The following SLC67A1 variants were observed in gnomAD, a reference collection of about 807,000 sequenced individuals.
The protein encoded by SLC67A1 is solute carrier family 67 member A1.
chr11:2,907,781 G>A, the SLC67A1 span, among the ~76,000 whole-genome samples: 9 of 152,204 alleles, frequency 5.9e-5, no homozygotes, highest in Admixed American at 1.3e-4. The surrounding 1 kb of genome is among the most constrained non-coding windows in gnomAD (Gnocchi z 6.7). Flanking sequence ...CTACTCCTCC[G>A]GAGGGGCTGA....
At chr11:2,923,356 GA>G in the SLC67A1 span, among the ~76,000 whole-genome samples, 8,808 of 129,176 alleles carry the variant, frequency 0.068, 938 homozygotes, top group Non-Finnish European at 0.086. The surrounding 1 kb of genome is among the most constrained non-coding windows in gnomAD (Gnocchi z 6.5). Context: ...GCACACATCT[GA>G]CACTCCATCC....
chr11:2,919,120 ACCAGGGATACGGCAGAATC>A, the SLC67A1 span: 180 of 356,744 alleles, frequency 5.0e-4, no homozygotes, highest in Admixed American at 9.0e-3. Context: ...CACTTTCCAC[ACCAGGGATACGGCAGAATC>A]CCAGGGAAGG....
chr11:2,916,604 C>T, the SLC67A1 span: 65 of 1,599,550 alleles, frequency 4.1e-5, no homozygotes, highest in East Asian at 4.9e-4. Flanking sequence ...CCTGTGCAGC[C>T]GAGGCTGTTG....
At chr11:2,901,047 T>C in the SLC67A1 span, among the ~76,000 whole-genome samples, 1 of 152,144 alleles carries the variant, frequency 6.6e-6, no homozygotes, top group Non-Finnish European at 1.5e-5. Flanking sequence ...AAAGGCGGGG[T>C]TCTGATTTCT....
the SLC67A1 span, chr11:2,909,611 C>T: frequency 2.0e-6 from 3 of 1,531,908 alleles, no homozygotes; most frequent in Non-Finnish European, 2.6e-6. Flanking sequence ...CTGTCGGCAC[C>T]CGAGGAGCGG....
At chr11:2,903,119 T>C in the SLC67A1 span, 2 of 1,044,226 alleles carry the variant, frequency 1.9e-6, no homozygotes, top group Middle Eastern at 3.3e-4. Flanking sequence ...CTGTCAAAAG[T>C]GGAGGAGGGG....
chr11:2,903,199 T>C, the SLC67A1 span: 1 of 1,498,130 alleles, frequency 6.7e-7, no homozygotes, highest in Non-Finnish European at 8.9e-7. Context: ...CCTGCAGTGC[T>C]GTCCTCTCTT....
At chr11:2,908,302 C>A in the SLC67A1 span, 1 of 1,613,692 alleles carries the variant, frequency 6.2e-7, no homozygotes, top group South Asian at 1.1e-5. Flanking sequence ...CGGGGTGCTG[C>A]AGCTGCTGGG....
the SLC67A1 span, chr11:2,916,572 G>A: frequency 3.3e-5 from 47 of 1,410,940 alleles, no homozygotes; most frequent in African/African-American, 1.4e-4. Flanking sequence ...TGGCTGGGGC[G>A]CCTGGGCCCT....
chr11:2,907,759 G>GCTGT, the SLC67A1 span, among the ~76,000 whole-genome samples: 164 of 152,276 alleles, frequency 1.1e-3, 2 homozygotes, highest in African/African-American at 3.8e-3. This position sits in a 1 kb window ranked among gnomAD's most constrained non-coding sequence, Gnocchi z 6.7. Context: ...TGGGAGGGAT[G>GCTGT]CTGTCATGGA....
chr11:2,904,767 G>A, the SLC67A1 span, among the ~76,000 whole-genome samples: 2 of 152,312 alleles, frequency 1.3e-5, no homozygotes, highest in South Asian at 4.1e-4. Flanking sequence ...GGAAGGGGGC[G>A]AGGTCTTCCT....
chr11:2,916,980 C>T, the SLC67A1 span: 2 of 565,566 alleles, frequency 3.5e-6, no homozygotes, highest in South Asian at 2.4e-5. Flanking sequence ...GGCAGGAAGG[C>T]CCAGACAGGG....
chr11:2,916,027 C>T, the SLC67A1 span: 1 of 152,274 alleles, frequency 6.6e-6, no homozygotes, highest in Non-Finnish European at 1.5e-5. Flanking sequence ...CTGAGGGGCA[C>T]CTCCGGGGCT....
chr11:2,923,885 C>A, the SLC67A1 span, among the ~76,000 whole-genome samples: 1 of 152,214 alleles, frequency 6.6e-6, no homozygotes, highest in Non-Finnish European at 1.5e-5. This position sits in a 1 kb window ranked among gnomAD's most constrained non-coding sequence, Gnocchi z 6.5. Context: ...AGGAACTGCA[C>A]CCTGAGTCTG....
At chr11:2,913,935 G>T in the SLC67A1 span, among the ~76,000 whole-genome samples, 1 of 152,256 alleles carries the variant, frequency 6.6e-6, no homozygotes, top group Non-Finnish European at 1.5e-5. Flanking sequence ...TATCTGGGCA[G>T]CCTCAGGTGT....
chr11:2,900,506 A>G, the SLC67A1 span, among the ~76,000 whole-genome samples: 3 of 152,000 alleles, frequency 2.0e-5, no homozygotes, highest in African/African-American at 4.8e-5. Context: ...ATCCTGGCTA[A>G]CACGGTGAAA....
At chr11:2,900,625 G>A in the SLC67A1 span, among the ~76,000 whole-genome samples, 73 of 148,644 alleles carry the variant, frequency 4.9e-4, no homozygotes, top group South Asian at 0.015. Context: ...CCCGGGAGGC[G>A]GAGCTTGCAG....
the SLC67A1 span, chr11:2,903,384 C>G: frequency 6.2e-7 from 1 of 1,613,068 alleles, no homozygotes; most frequent in Non-Finnish European, 8.5e-7. Context: ...AGGGCCGGTC[C>G]CCCGGCAGGA....
At chr11:2,908,039 G>C in the SLC67A1 span, among the ~76,000 whole-genome samples, 1 of 152,152 alleles carries the variant, frequency 6.6e-6, no homozygotes, top group Non-Finnish European at 1.5e-5. Context: ...AAGGACCTTA[G>C]AGACCACAAC....
Sources: gnomAD v4.1 joint callset for allele counts (sites outside exome capture counted in the v4.1 genomes callset) on GRCh38, gnomAD v4.1.1 for gene constraint, Gnocchi (gnomAD v3.1) non-coding constraint, MANE v1.5 for transcripts, NCBI Gene and HGNC (gene_info 2026-07-23, HGNC 2026-07-21) for gene names.